CMTM8: variants seen among roughly 807,000 people sequenced by gnomAD.
CMTM8 encodes the protein CKLF like MARVEL transmembrane domain containing 8.
In CMTM8, 12 loss-of-function variants were observed where a neutral mutation model predicts 18.6. That is an observed-to-expected ratio of 0.65 (90% CI 0.41 to 1.05). The LOEUF (loss-of-function observed/expected upper bound fraction) is 1.05. Among genes scored for constraint, CMTM8 ranks in the 50% least tolerant of loss-of-function variants. CMTM8 has a pLI of 0.00. For missense variants in CMTM8, 217 were observed against 227.2 expected, an observed-to-expected ratio of 0.95 and a Z score of 0.29; for synonymous variants, 87 against 90.6, an observed-to-expected ratio of 0.96 and a Z score of 0.23.
chr3:32,264,107 A>G (rs981214233), intron 1 of CMTM8, among the ~76,000 whole-genome samples: 1 of 152,208 alleles, frequency 6.6e-6, no homozygotes. Context: ...GAACTCCACA[A>G]AGATACTCCT....
chr3:32,288,352 C>G (rs769879659), intron 1 of CMTM8, among the ~76,000 whole-genome samples: 14 of 152,032 alleles, frequency 9.2e-5, no homozygotes, highest in Non-Finnish European at 4.4e-5. Flanking sequence ...GACATGATCG[C>G]CCACCGTAAC....
chr3:32,359,230 C>G (rs1696872698), intron 2 of CMTM8, among the ~76,000 whole-genome samples: 1 of 152,244 alleles, frequency 6.6e-6, no homozygotes, highest in Non-Finnish European at 1.5e-5. Flanking sequence ...CCACTCAACT[C>G]TGCCTGCAGC....
At chr3:32,367,009 G>A (rs1315967033) in intron 2 of CMTM8, among the ~76,000 whole-genome samples, 3 of 152,102 alleles carry the variant, frequency 2.0e-5, no homozygotes, top group Non-Finnish European at 2.9e-5. Flanking sequence ...TTTTTTCTCT[G>A]AGAAGAAAGA....
chr3:32,271,271 C>T (rs937009361), intron 1 of CMTM8, among the ~76,000 whole-genome samples: 1 of 152,200 alleles, frequency 6.6e-6, no homozygotes, highest in African/African-American at 2.4e-5. Context: ...GGATTATAGG[C>T]ATGCGCCACC....
chr3:32,247,731 G>A (rs961441489), intron 1 of CMTM8, among the ~76,000 whole-genome samples: 27 of 152,218 alleles, frequency 1.8e-4, no homozygotes, highest in Non-Finnish European at 2.9e-5. Context: ...AAAGAGATGA[G>A]ATTATAGGCG....
intron 1 of CMTM8, among the ~76,000 whole-genome samples, chr3:32,279,199 T>G (rs28628702): frequency 2.0e-5 from 3 of 149,998 alleles, no homozygotes; most frequent in Admixed American, 6.6e-5. Flanking sequence ...TTATTATACT[T>G]TAAGTTTTAG....
At chr3:32,343,304 A>G (rs976525826) in intron 1 of CMTM8, among the ~76,000 whole-genome samples, 1 of 152,332 alleles carries the variant, frequency 6.6e-6, no homozygotes, top group Admixed American at 6.5e-5. Flanking sequence ...TCAAACCACT[A>G]TGGGATAAGT....
intron 1 of CMTM8, among the ~76,000 whole-genome samples, chr3:32,243,314 T>G (rs1026367320): frequency 4.6e-5 from 7 of 151,736 alleles, no homozygotes; most frequent in African/African-American, 1.7e-4. Flanking sequence ...GCAGATTGCC[T>G]GAGCCCAGGA....
intron 1 of CMTM8, among the ~76,000 whole-genome samples, chr3:32,311,998 A>C (rs747577131): frequency 5.9e-4 from 90 of 152,204 alleles, no homozygotes; most frequent in Non-Finnish European, 2.1e-4. Context: ...GACTCAGAGG[A>C]GGGGCGATTA....
chr3:32,341,081 C>G (rs891245403), intron 1 of CMTM8, among the ~76,000 whole-genome samples: 1 of 152,234 alleles, frequency 6.6e-6, no homozygotes, highest in African/African-American at 2.4e-5. Flanking sequence ...ATCCTGTTTT[C>G]CATGTACTTG....
At chr3:32,294,942 C>A (rs748759135) in intron 1 of CMTM8, among the ~76,000 whole-genome samples, 9 of 151,966 alleles carry the variant, frequency 5.9e-5, no homozygotes, top group Non-Finnish European at 8.8e-5. Flanking sequence ...ATAATCCCAG[C>A]TACTTGGGAG....
At chr3:32,310,472 C>CA (rs1695799117) in intron 1 of CMTM8, among the ~76,000 whole-genome samples, 1 of 152,132 alleles carries the variant, frequency 6.6e-6, no homozygotes, top group Non-Finnish European at 1.5e-5. Flanking sequence ...TGAGGGGTGC[C>CA]AAAGGAAGAA....
chr3:32,268,594 A>AAAG (rs1156907248), intron 1 of CMTM8, among the ~76,000 whole-genome samples: 1 of 151,816 alleles, frequency 6.6e-6, no homozygotes, highest in African/African-American at 2.4e-5. Flanking sequence ...AAAGTATAAA[A>AAAG]AAAAAAAAAT....
chr3:32,288,113 C>T (rs1229413036), intron 1 of CMTM8, among the ~76,000 whole-genome samples: 3 of 152,206 alleles, frequency 2.0e-5, no homozygotes, highest in African/African-American at 7.2e-5. Flanking sequence ...AATCTGAACA[C>T]AGTTGGCCTG....
At chr3:32,305,331 C>T (rs868243195) in intron 1 of CMTM8, among the ~76,000 whole-genome samples, 5 of 151,044 alleles carry the variant, frequency 3.3e-5, no homozygotes, top group African/African-American at 9.7e-5. Context: ...CCCGGGTTCA[C>T]GCCATTCTCC....
At chr3:32,252,653 C>T (rs1182529166) in intron 1 of CMTM8, among the ~76,000 whole-genome samples, 2 of 152,236 alleles carry the variant, frequency 1.3e-5, no homozygotes, top group East Asian at 1.9e-4. Context: ...TCACTCATTT[C>T]TGATTATTTG....
chr3:32,285,022 CACCT>C (rs1293160696), intron 1 of CMTM8, among the ~76,000 whole-genome samples: 1 of 152,178 alleles, frequency 6.6e-6, no homozygotes, highest in Non-Finnish European at 1.5e-5. Flanking sequence ...TCAAGGTACA[CACCT>C]TTTCCTCATA....
chr3:32,278,075 G>A (rs1702546453), intron 1 of CMTM8, among the ~76,000 whole-genome samples: 1 of 152,184 alleles, frequency 6.6e-6, no homozygotes, highest in Non-Finnish European at 1.5e-5. Context: ...TCTGCAGTGG[G>A]TTCCATCTTC....
chr3:32,367,377 G>A (rs1385857747), intron 2 of CMTM8, among the ~76,000 whole-genome samples: 1 of 152,328 alleles, frequency 6.6e-6, no homozygotes, highest in African/African-American at 2.4e-5. Flanking sequence ...CTAGGACAGA[G>A]GAGCTCATTT....
Sources: allele counts gnomAD v4.1 joint callset (sites outside exome capture counted in the v4.1 genomes callset), GRCh38; gene constraint gnomAD v4.1.1; transcripts MANE v1.5; gene names NCBI Gene and HGNC (gene_info 2026-07-23, HGNC 2026-07-21).